The following OSBPL9 variants were observed in gnomAD, a reference collection of about 807,000 sequenced individuals.
OSBPL9 encodes oxysterol binding protein like 9.
OSBPL9 carries 40 observed loss-of-function variants against 106.6 expected under a neutral mutation model. That is an observed-to-expected ratio of 0.38 (90% confidence interval 0.29 to 0.49). The LOEUF (loss-of-function observed/expected upper bound fraction) is 0.49, where lower values mean the gene tolerates loss of function less well. OSBPL9 is among the 20% of genes least tolerant of loss of function. The probability of loss-of-function intolerance (pLI) is 0.97; values close to 1 mark genes in which losing one functional copy is unlikely to be tolerated. For synonymous variants in OSBPL9, 269 were observed against 295.4 expected (o/e 0.91, Z 0.92); for missense variants, 609 against 887.2 (o/e 0.69, Z 3.98).
In OSBPL9 at chr1:51,617,124, T is replaced by G; in HGVS notation, c.14T>G (p.Met5Arg). 1.3e-6 allele frequency: 2 copies of G among 1,562,904 alleles called. No homozygotes were observed. The highest frequency in any genetic ancestry group is 1.7e-6 in the Non-Finnish European group (2 of 1,147,420). ...GCGGCTCCCAAGATGGCGTCCATCA[T>G]GGAAGGGCCGCTGAGCAAATGGACT... The part of the protein sequence containing the change: MASI[M>R]EGPLSKWTNV... The change falls in exon 1 of 24, where the codon ATG becomes AGG. Residue 5 changes from methionine (M) to arginine (R), a missense_variant. This residue lies in a region of OSBPL9 where 30 missense variants were observed against 21.8 expected (regional missense o/e 1.37). Coordinates refer to ENST00000428468, the MANE Select transcript of OSBPL9 (RefSeq NM_024586.6).
intron 1 of OSBPL9, among the ~76,000 whole-genome samples, chr1:51,596,791 A>T (rs1645302173): frequency 6.6e-6 from 1 of 152,138 alleles, no homozygotes; most frequent in African/African-American, 2.4e-5. Context: ...AAAAAGAAAA[A>T]AAAAATCCAA....
chr1:51,556,793 CA>C, the OSBPL9 span, among the ~76,000 whole-genome samples: 2 of 121,164 alleles, frequency 1.7e-5, no homozygotes, highest in East Asian at 2.1e-4. Context: ...CTCAAAGAAA[CA>C]AAAAAAAAGT....
At chr1:51,528,011 C>T in the OSBPL9 span, among the ~76,000 whole-genome samples, 34 of 151,734 alleles carry the variant, frequency 2.2e-4, no homozygotes, top group African/African-American at 8.2e-4. Context: ...GTAGGCCCAG[C>T]TACTTGGGAG....
chr1:51,786,995 A>G (rs1254285840), intron 22 of OSBPL9, among the ~76,000 whole-genome samples: 1 of 152,296 alleles, frequency 6.6e-6, no homozygotes, highest in East Asian at 1.9e-4. Context: ...TAACACTTAC[A>G]GGTATATATT....
the OSBPL9 span, among the ~76,000 whole-genome samples, chr1:51,527,958 CAAA>C: frequency 7.1e-5 from 10 of 141,338 alleles, no homozygotes; most frequent in Non-Finnish European, 7.7e-5. Context: ...ACTAAAAATA[CAAA>C]AAAAAAAAAA....
intron 4 of OSBPL9, among the ~76,000 whole-genome samples, chr1:51,722,061 C>T (rs1055172095): frequency 2.6e-5 from 4 of 152,198 alleles, no homozygotes; most frequent in Admixed American, 6.5e-5. Flanking sequence ...TGGTGGCTCA[C>T]GCCACTAATC....
chr1:51,745,768 A>C, intron 5 of OSBPL9, 137 bp downstream of exon 5: 2 of 1,091,300 alleles, frequency 1.8e-6, no homozygotes, highest in Non-Finnish European at 2.4e-6. Context: ...CAGACTTAAA[A>C]GATCTAGCTG....
chr1:51,730,720 ATGTAT>A (rs1664191514), intron 4 of OSBPL9, among the ~76,000 whole-genome samples: 4 of 152,298 alleles, frequency 2.6e-5, no homozygotes, highest in African/African-American at 9.6e-5. Flanking sequence ...AGGTTGAGAG[ATGTAT>A]TGAACAAGAA....
At chr1:51,537,917 A>G in the OSBPL9 span, among the ~76,000 whole-genome samples, 2 of 152,132 alleles carry the variant, frequency 1.3e-5, no homozygotes, top group African/African-American at 4.8e-5. Context: ...TCTTTCTCCT[A>G]TTCCTTATTT....
rs548128948 is a variant in OSBPL9, at chr1:51,624,105, C to T, written c.111+6884C>T. Among the ~76,000 whole-genome samples the T allele has an allele frequency of 1.1e-4, 16 of 151,602 alleles. No homozygotes were observed. In the South Asian group the frequency reaches 2.3e-3, roughly 22 times the overall value. On this transcript the variant is annotated intron_variant, in intron 1 of 23. Coordinates refer to ENST00000428468, the MANE Select transcript of OSBPL9 (RefSeq NM_024586.6). ...CTAATTTTTGTATTTTTAGTAGAGA[C>T]GAGGTTTCACCATGTTGACCAGGCT...
At chr1:51,536,929 A>G in the OSBPL9 span, among the ~76,000 whole-genome samples, 3 of 152,120 alleles carry the variant, frequency 2.0e-5, no homozygotes, top group Non-Finnish European at 4.4e-5. Flanking sequence ...ACTGTAGAGT[A>G]TTTTTTCCTG....
intron 3 of OSBPL9, among the ~76,000 whole-genome samples, chr1:51,683,328 G>C (rs1653019524): frequency 6.6e-6 from 1 of 151,750 alleles, no homozygotes; most frequent in African/African-American, 2.4e-5. Context: ...TTACAGACAT[G>C]CACCACTATG....
At chr1:51,774,249 T>C (rs1224254987) in intron 14 of OSBPL9, among the ~76,000 whole-genome samples, 1 of 152,174 alleles carries the variant, frequency 6.6e-6, no homozygotes, top group Non-Finnish European at 1.5e-5. Flanking sequence ...AGTTTGTAAT[T>C]CTTGCCTCAC....
chr1:51,745,344 C>A (rs1052531400), intron 4 of OSBPL9, 192 bp from the exon 5 acceptor site: 4 of 721,966 alleles, frequency 5.5e-6, no homozygotes, highest in Non-Finnish European at 8.2e-6. Context: ...AAGCAGTGCT[C>A]CAAGTTAATG....
chr1:51,660,860 A>C lies in OSBPL9; in HGVS notation c.163-8574A>C, dbSNP rs150136790. Among the ~76,000 whole-genome samples the C allele has an allele frequency of 1.4e-3, 220 of 152,310 alleles. 1 individual carries two copies. Among genetic ancestry groups the C allele is most frequent in the African/African-American group, 5.0e-3 (207 of 41,558 alleles). ...TCTTGGCCCAGAATAGGTATTTAAT[A>C]AGTTTGTTGAAGTAATTAGTGAATA... is the stretch of plus-strand genomic sequence containing the variant. On this transcript the variant is annotated intron_variant, in intron 2 of 23. Transcript: ENST00000428468.
chr1:51,566,944 A>C, the OSBPL9 span, among the ~76,000 whole-genome samples: 1 of 152,216 alleles, frequency 6.6e-6, no homozygotes, highest in Admixed American at 6.5e-5. Context: ...TTGCTAAAGA[A>C]GGCCTTGGGT....
chr1:51,535,839 T>C, the OSBPL9 span, among the ~76,000 whole-genome samples: 1 of 152,116 alleles, frequency 6.6e-6, no homozygotes, highest in Non-Finnish European at 1.5e-5. Context: ...AGTGCTGGGA[T>C]TACAGGCATG....
the OSBPL9 span, among the ~76,000 whole-genome samples, chr1:51,560,394 A>G: frequency 1.3e-5 from 2 of 152,216 alleles, no homozygotes; most frequent in African/African-American, 4.8e-5. Flanking sequence ...TCAAACATAA[A>G]ATGAGGAAAT....
intron 3 of OSBPL9, among the ~76,000 whole-genome samples, chr1:51,703,051 A>G (rs1657654139): frequency 6.6e-6 from 1 of 152,144 alleles, no homozygotes; most frequent in Non-Finnish European, 1.5e-5. Context: ...GTAGCCATGT[A>G]GTATAGTTTG....
Sources: gnomAD v4.1 joint callset for allele counts (sites outside exome capture counted in the v4.1 genomes callset) on GRCh38, gnomAD v4.1.1 for gene constraint, gnomAD v4.1.1 regional missense constraint, MANE v1.5 for transcripts, NCBI Gene and HGNC (gene_info 2026-07-23, HGNC 2026-07-21) for gene names.